XKR4: variants seen among roughly 807,000 people sequenced by gnomAD.
XKR4 encodes the protein XK related 4.
A neutral mutation model predicts 53.9 loss-of-function variants in XKR4; 12 were observed. The ratio of observed to expected loss-of-function variants is 0.22; its 90% CI spans 0.14 to 0.36. The LOEUF is 0.36. XKR4 is among the 10% of genes least tolerant of loss of function. XKR4 has a pLI of 1.00. For missense variants in XKR4, 799 were observed against 859.5 expected (o/e 0.93, Z 0.88); for synonymous variants, 354 against 362.4 (o/e 0.98, Z 0.26).
chr8:55,363,057 C>T (rs1803926851), intron 2 of XKR4, among the ~76,000 whole-genome samples: 1 of 152,210 alleles, frequency 6.6e-6, no homozygotes, highest in Admixed American at 6.5e-5. Context: ...AAATATCTGG[C>T]CTTCACTAGA....
At chr8:55,454,141 C>A (rs970856721) in intron 2 of XKR4, 7 of 902,346 alleles carry the variant, frequency 7.8e-6, no homozygotes, top group Non-Finnish European at 1.1e-5. Context: ...CCAACTCCAG[C>A]TCCGGGTCCA....
intron 2 of XKR4, among the ~76,000 whole-genome samples, chr8:55,378,996 C>T (rs1283554281): frequency 6.6e-6 from 1 of 152,178 alleles, no homozygotes; most frequent in Admixed American, 6.5e-5. Context: ...TCCAGTCATC[C>T]ATAACAGCTT....
intron 1 of XKR4, among the ~76,000 whole-genome samples, chr8:55,230,611 G>A (rs557698275): frequency 4.6e-5 from 7 of 151,968 alleles, no homozygotes; most frequent in South Asian, 2.1e-4. Flanking sequence ...CAAGTGATCC[G>A]CCCACCTCGG....
At chr8:55,452,042 G>A in intron 2 of XKR4, 1 of 736,592 alleles carries the variant, frequency 1.4e-6, no homozygotes, top group Non-Finnish European at 2.5e-6. Context: ...ACAGGGTTCT[G>A]AGGGAAGGAC....
chr8:55,449,219 G>A (rs1805387478), intron 2 of XKR4, among the ~76,000 whole-genome samples: 1 of 151,562 alleles, frequency 6.6e-6, no homozygotes, highest in South Asian at 2.1e-4. Context: ...ATAGACTCTG[G>A]TTCTAGAAAC....
chr8:55,112,562 G>GTTTTTTTTT (rs761779642), intron 1 of XKR4, among the ~76,000 whole-genome samples: 847 of 77,208 alleles, frequency 0.011, 151 homozygotes, highest in African/African-American at 0.021. Context: ...TACTTTTCAG[G>GTTTTTTTTT]TTTTTTTTTT....
chr8:55,445,003 GA>G (rs1356947756), intron 2 of XKR4, among the ~76,000 whole-genome samples: 2 of 152,136 alleles, frequency 1.3e-5, no homozygotes, highest in Non-Finnish European at 2.9e-5. Context: ...ATACTGCCAT[GA>G]AAATGAATAA....
Position 55,102,378 on chromosome 8 carries a change from AGCCGC to A in XKR4, c.-110_-106del. On this transcript the variant is annotated 5_prime_UTR_variant, in exon 1 of 3. Transcript: ENST00000327381. The surrounding 1 kb of genome is among the most constrained non-coding windows in gnomAD (Gnocchi z 5.1). ...CCGACGCAGGAGCAGGAGGAGGGGG[AGCCGC>A]ACCGCCTGGGAGGGAAGCCGGGGCG... 7.7e-7 allele frequency: 1 copy of A among 1,291,300 alleles called. No homozygotes were observed. The highest frequency in any genetic ancestry group is 1.0e-6 in the Non-Finnish European group (1 of 1,002,194). The allele number at this position is 1,291,300 out of a possible 1,614,324, so 80.0% of individuals were successfully genotyped here. A position where few individuals can be genotyped will look rare whatever the true frequency, so the allele number is the denominator to read the frequency against.
At chr8:55,416,305 A>G (rs929915543) in intron 2 of XKR4, among the ~76,000 whole-genome samples, 9 of 152,210 alleles carry the variant, frequency 5.9e-5, no homozygotes, top group African/African-American at 2.2e-4. Flanking sequence ...TATTTCGGTG[A>G]TGTTATAGAA....
intron 1 of XKR4, among the ~76,000 whole-genome samples, chr8:55,182,630 T>C (rs1264142434): frequency 6.6e-6 from 1 of 152,216 alleles, no homozygotes; most frequent in East Asian, 1.9e-4. Flanking sequence ...ATTTTTGGGA[T>C]CTCTGTTCTG....
At position 55,342,484 on chromosome 8, in the gene XKR4, T is replaced by C. The variant is rs547158453; in HGVS notation, c.807-15194T>C. Among the ~76,000 whole-genome samples, 238 of 152,160 alleles carry C rather than the reference T, an allele frequency of 1.6e-3. 2 individuals are homozygous for C. Among genetic ancestry groups the C allele is most frequent in the African/African-American group, 5.4e-3 (224 of 41,506 alleles). The stretch of plus-strand genomic sequence containing the variant: ...GCCCTCTAATTGCTTCCCATCTCAC[T>C]CGCACAGTCCACACAGTGCCCACCA... On this transcript the variant is annotated intron_variant, in intron 1 of 2. Transcript: ENST00000327381.
chr8:55,121,873 A>G (rs7821849), intron 1 of XKR4, among the ~76,000 whole-genome samples: 128,981 of 151,918 alleles, frequency 0.85, 54,870 homozygotes, highest in East Asian at 0.93. Context: ...CCCCTTTGAC[A>G]TACTTTGGAG....
intron 1 of XKR4, among the ~76,000 whole-genome samples, chr8:55,237,251 C>T (rs1818139580): frequency 6.6e-6 from 1 of 152,160 alleles, no homozygotes; most frequent in Non-Finnish European, 1.5e-5. Context: ...GCATCAACCC[C>T]CCACAAAGTC....
chr8:55,352,592 A>G (rs922572178), intron 1 of XKR4, among the ~76,000 whole-genome samples: 9 of 152,244 alleles, frequency 5.9e-5, no homozygotes, highest in African/African-American at 2.2e-4. Flanking sequence ...TCAATCAATA[A>G]ATAGTAAGAA....
At chr8:55,481,998 G>A (rs1383150078) in intron 2 of XKR4, among the ~76,000 whole-genome samples, 1 of 152,152 alleles carries the variant, frequency 6.6e-6, no homozygotes, top group African/African-American at 2.4e-5. Context: ...CGATTCCTCA[G>A]GGAACTAGAA....
chr8:55,534,071 T>C lies in XKR4; in HGVS notation c.*9844T>C, dbSNP rs187913662. 27 of 152,346 alleles carry C rather than the reference T, an allele frequency of 1.8e-4. No homozygotes were observed. Among genetic ancestry groups the C allele is most frequent in the Admixed American group, 1.4e-3 (22 of 15,308 alleles). The allele number at this position is 152,346 out of a possible 1,614,324, so 9.4% of individuals were successfully genotyped here. A position where few individuals can be genotyped will look rare whatever the true frequency, so the allele number is the denominator to read the frequency against. The stretch of plus-strand genomic sequence containing the variant: ...GTTTGGAAATGAAAATAATGCACTG[T>C]CATCTGTTGAATAATTGATCTGTCT... On this transcript the variant is annotated 3_prime_UTR_variant, in exon 3 of 3. Transcript: ENST00000327381.
intron 1 of XKR4, among the ~76,000 whole-genome samples, chr8:55,190,775 A>G (rs1817435885): frequency 6.6e-6 from 1 of 152,236 alleles, no homozygotes; most frequent in Non-Finnish European, 1.5e-5. Context: ...GAGGAATGCC[A>G]GGGTCCAGAG....
At chr8:55,395,068 T>C (rs1294433642) in intron 2 of XKR4, among the ~76,000 whole-genome samples, 4 of 152,152 alleles carry the variant, frequency 2.6e-5, no homozygotes, top group Non-Finnish European at 4.4e-5. Context: ...CCTGGGATTA[T>C]GAATATTCAG....
At chr8:55,335,291 A>T (rs1401779961) in intron 1 of XKR4, among the ~76,000 whole-genome samples, 1 of 152,168 alleles carries the variant, frequency 6.6e-6, no homozygotes, top group Non-Finnish European at 1.5e-5. Flanking sequence ...TACTTCACAA[A>T]ATGACTTATT....
Sources: allele counts gnomAD v4.1 joint callset (sites outside exome capture counted in the v4.1 genomes callset), GRCh38; gene constraint gnomAD v4.1.1; non-coding constraint Gnocchi (gnomAD v3.1); transcripts MANE v1.5; gene names NCBI Gene and HGNC (gene_info 2026-07-23, HGNC 2026-07-21).